The following SLC4A10 variants were observed in gnomAD, a reference collection of about 807,000 sequenced individuals.
SLC4A10 encodes the protein sodium-driven chloride bicarbonate exchanger.
Under a neutral mutation model 137.7 loss-of-function variants are expected in SLC4A10, and 42 were observed. That is an observed-to-expected ratio of 0.30 (90% CI 0.24 to 0.39). The LOEUF (loss-of-function observed/expected upper bound fraction) is 0.39. Ranked by LOEUF, SLC4A10 falls within the 10% of genes least tolerant of loss-of-function variation. The probability of loss-of-function intolerance (pLI) is 1.00; values close to 1 mark genes in which losing one functional copy is unlikely to be tolerated. For synonymous variants in SLC4A10, 474 were observed against 464.1 expected (o/e 1.02, Z -0.27); for missense variants, 925 against 1,355.0 (o/e 0.68, Z 4.98).
At chr2:161,860,681 TAGTATCACAC>T (rs2060384720) in intron 5 of SLC4A10, among the ~76,000 whole-genome samples, 1 of 152,194 alleles carries the variant, frequency 6.6e-6, no homozygotes, top group South Asian at 2.1e-4. Context: ...TATTATTCTA[TAGTATCACAC>T]ATTTTCAGAA....
chr2:161,729,585 A>T (rs1224146841), intron 1 of SLC4A10, among the ~76,000 whole-genome samples: 1 of 152,062 alleles, frequency 6.6e-6, no homozygotes, highest in Non-Finnish European at 1.5e-5. Context: ...TAAATGCAAA[A>T]ATGTTTGACT....
At chr2:161,929,961 T>C (rs1404114549) in intron 15 of SLC4A10, among the ~76,000 whole-genome samples, 1 of 152,212 alleles carries the variant, frequency 6.6e-6, no homozygotes, top group African/African-American at 2.4e-5. Context: ...ATATTTGTTA[T>C]CTAAGTATAA....
At chr2:161,907,719 GT>G (rs1227438300) in intron 15 of SLC4A10, among the ~76,000 whole-genome samples, 1 of 152,186 alleles carries the variant, frequency 6.6e-6, no homozygotes, top group African/African-American at 2.4e-5. Flanking sequence ...CAGAAAAGTA[GT>G]TCAGTCAAAG....
At chr2:161,973,304 A>G (rs1439724601) in intron 23 of SLC4A10, among the ~76,000 whole-genome samples, 1 of 152,230 alleles carries the variant, frequency 6.6e-6, no homozygotes, top group Middle Eastern at 3.2e-3. Context: ...TGTATTAAAT[A>G]AAAGCTATAA....
At chr2:161,952,320 C>T (rs1004627034) in intron 19 of SLC4A10, among the ~76,000 whole-genome samples, 1 of 152,108 alleles carries the variant, frequency 6.6e-6, no homozygotes, top group African/African-American at 2.4e-5. Context: ...TCTTCATGAG[C>T]CCTTGACATT....
intron 1 of SLC4A10, among the ~76,000 whole-genome samples, chr2:161,650,514 G>A (rs1005549729): frequency 6.6e-6 from 1 of 151,964 alleles, no homozygotes; most frequent in Non-Finnish European, 1.5e-5. Context: ...GGAGCCCCAT[G>A]TTTCTGTGTG....
chr2:161,918,774 G>A (rs555395238), intron 15 of SLC4A10, among the ~76,000 whole-genome samples: 50 of 152,178 alleles, frequency 3.3e-4, no homozygotes, highest in Non-Finnish European at 5.9e-4. Context: ...GCAGTAGGGA[G>A]GCGCCTACTT....
intron 1 of SLC4A10, among the ~76,000 whole-genome samples, chr2:161,727,356 G>A (rs964198647): frequency 1.3e-5 from 2 of 152,174 alleles, no homozygotes; most frequent in Non-Finnish European, 2.9e-5. Flanking sequence ...AAGTTGACAA[G>A]CTCAATCCAC....
intron 1 of SLC4A10, among the ~76,000 whole-genome samples, chr2:161,755,423 C>A (rs1049391619): frequency 6.6e-6 from 1 of 152,044 alleles, no homozygotes; most frequent in African/African-American, 2.4e-5. Context: ...TTGGCTTAAC[C>A]TTTGGGAAGT....
chr2:161,829,345 A>G (rs574049336), intron 3 of SLC4A10, among the ~76,000 whole-genome samples: 28 of 152,188 alleles, frequency 1.8e-4, no homozygotes, highest in South Asian at 6.2e-4. Flanking sequence ...CCAAGCAACT[A>G]TTCAAAGTAC....
At chr2:161,761,189 A>T (rs1443698616) in intron 1 of SLC4A10, among the ~76,000 whole-genome samples, 1 of 152,026 alleles carries the variant, frequency 6.6e-6, no homozygotes, top group Non-Finnish European at 1.5e-5. Flanking sequence ...ACACATACAA[A>T]CTGTTAGTCT....
chr2:161,955,534 AC>A (rs1695501606), intron 19 of SLC4A10, among the ~76,000 whole-genome samples: 1 of 152,184 alleles, frequency 6.6e-6, no homozygotes, highest in Admixed American at 6.5e-5. Context: ...TTTGGTGTCA[AC>A]ATAGGAGGAA....
At chr2:161,857,552 T>A (rs2060174596) in intron 5 of SLC4A10, among the ~76,000 whole-genome samples, 1 of 152,166 alleles carries the variant, frequency 6.6e-6, no homozygotes, top group Non-Finnish European at 1.5e-5. Flanking sequence ...AAAACTATAA[T>A]TTGGCTAAAT....
chr2:161,867,405 A>G (rs1488358941), intron 6 of SLC4A10, among the ~76,000 whole-genome samples: 1 of 152,020 alleles, frequency 6.6e-6, no homozygotes, highest in Non-Finnish European at 1.5e-5. Context: ...AGCTAGAATA[A>G]TAATTCTTGA....
At chr2:161,763,403 A>G (rs1464573827) in intron 1 of SLC4A10, among the ~76,000 whole-genome samples, 1 of 152,160 alleles carries the variant, frequency 6.6e-6, no homozygotes, top group Non-Finnish European at 1.5e-5. Context: ...AGAAAGTTTA[A>G]TGAACGGACT....
At chr2:161,696,539 A>C (rs2042532326) in intron 1 of SLC4A10, among the ~76,000 whole-genome samples, 1 of 138,720 alleles carries the variant, frequency 7.2e-6, no homozygotes. Flanking sequence ...CCCACCTATG[A>C]GTGAGAACAT....
chr2:161,720,609 A>G (rs2045545293), intron 1 of SLC4A10, among the ~76,000 whole-genome samples: 1 of 152,086 alleles, frequency 6.6e-6, no homozygotes, highest in African/African-American at 2.4e-5. Context: ...CTCTTGTTGA[A>G]TTGAACCCTT....
rs192000322 is a variant in SLC4A10 at position 161,700,827 on chromosome 2, G to A, written c.49-70146G>A. On this transcript the variant is annotated intron_variant, in intron 1 of 26. Coordinates refer to ENST00000446997, the MANE Select transcript of SLC4A10 (RefSeq NM_001178015.2). ...TTATATAACAGGTTCTGCTCTACGCGCTCTGTAGTGTCTACATTCTTATTC... is the reference window on the plus strand; with the variant it reads ...TTATATAACAGGTTCTGCTCTACGCACTCTGTAGTGTCTACATTCTTATTC... Among the ~76,000 whole-genome samples the A allele has an allele frequency of 2.2e-4, 34 of 152,092 alleles. No homozygotes were observed. In the East Asian group the frequency reaches 3.7e-3, roughly 16 times the overall value.
At chr2:161,957,420 A>G (rs1374765023) in intron 20 of SLC4A10, among the ~76,000 whole-genome samples, 180 bp downstream of exon 20, 1 of 152,152 alleles carries the variant, frequency 6.6e-6, no homozygotes, top group Non-Finnish European at 1.5e-5. Flanking sequence ...TACGTCCTAT[A>G]TTTTAAAACC....
Sources: allele counts gnomAD v4.1 joint callset (sites outside exome capture counted in the v4.1 genomes callset), GRCh38; gene constraint gnomAD v4.1.1; transcripts MANE v1.5; gene names NCBI Gene and HGNC (gene_info 2026-07-23, HGNC 2026-07-21).